Variants in RBFOX1 observed in about 807,000 individuals in gnomAD.
The protein encoded by RBFOX1 is RNA binding fox-1 homolog 1.
A neutral mutation model predicts 57.7 loss-of-function variants in RBFOX1; 8 were observed. That is an observed-to-expected ratio of 0.14 (90% CI 0.08 to 0.25). RBFOX1 has a LOEUF of 0.25. RBFOX1 is among the 10% of genes least tolerant of loss of function. The pLI is 1.00. For missense variants in RBFOX1, 611 were observed against 548.5 expected, an observed-to-expected ratio of 1.11 and a Z score of -1.14; for synonymous variants, 326 against 222.4, an observed-to-expected ratio of 1.47 and a Z score of -4.15.
chr16:6,318,488 G>A (rs1172649578), intron 2 of RBFOX1, among the ~76,000 whole-genome samples: 4 of 152,082 alleles, frequency 2.6e-5, no homozygotes. Context: ...TTGGTGCTTG[G>A]GCAGGGAGGG....
chr16:5,703,879 C>T (rs1334838342), intron 3 of RBFOX1, among the ~76,000 whole-genome samples: 1 of 152,100 alleles, frequency 6.6e-6, no homozygotes, highest in Admixed American at 6.5e-5. Context: ...GTATGCATGG[C>T]TTACAAAGGT....
chr16:6,217,599 C>T (rs770863527), intron 1 of RBFOX1, among the ~76,000 whole-genome samples: 1 of 152,232 alleles, frequency 6.6e-6, no homozygotes, highest in African/African-American at 2.4e-5. Flanking sequence ...GGTGTACCCA[C>T]ATCGTGGTGC....
At chr16:6,492,928 A>G (rs187489347) in intron 2 of RBFOX1, among the ~76,000 whole-genome samples, 3 of 152,376 alleles carry the variant, frequency 2.0e-5, no homozygotes, top group East Asian at 1.9e-4. Flanking sequence ...TGAAGGGACT[A>G]TAAACAGTGA....
intron 4 of RBFOX1, among the ~76,000 whole-genome samples, chr16:7,445,183 G>C (rs2098798860): frequency 6.6e-6 from 1 of 152,090 alleles, no homozygotes; most frequent in Non-Finnish European, 1.5e-5. Context: ...AGTTAGCAAG[G>C]ATTAAACAAA....
intron 4 of RBFOX1, among the ~76,000 whole-genome samples, chr16:5,891,382 C>T (rs777005851): frequency 5.9e-5 from 9 of 152,168 alleles, no homozygotes; most frequent in Non-Finnish European, 1.2e-4. Context: ...CCAAAACAAG[C>T]GCCTTCTATG....
intron 4 of RBFOX1, among the ~76,000 whole-genome samples, chr16:7,119,857 G>C (rs1353437475): frequency 6.6e-5 from 10 of 152,074 alleles, no homozygotes; most frequent in Non-Finnish European, 1.0e-4. Flanking sequence ...ACAAAACATA[G>C]TTAAAATGTG....
At chr16:6,212,350 T>C (rs569271819) in intron 1 of RBFOX1, among the ~76,000 whole-genome samples, 1 of 151,460 alleles carries the variant, frequency 6.6e-6, no homozygotes, top group Non-Finnish European at 1.5e-5. Flanking sequence ...GCAATACATA[T>C]GCTATACAAT....
At chr16:6,036,018 T>C (rs2095360805) in intron 1 of RBFOX1, among the ~76,000 whole-genome samples, 1 of 152,188 alleles carries the variant, frequency 6.6e-6, no homozygotes, top group African/African-American at 2.4e-5. Context: ...TATCATCCTA[T>C]GTATTATTGT....
intron 1 of RBFOX1, among the ~76,000 whole-genome samples, chr16:6,072,451 C>A (rs576464366): frequency 1.1e-4 from 16 of 152,256 alleles, no homozygotes; most frequent in African/African-American, 3.6e-4. Context: ...GACTTCATTT[C>A]TTTGTATATG....
chr16:7,525,611 G>A (rs1362659586), intron 5 of RBFOX1, among the ~76,000 whole-genome samples: 1 of 152,156 alleles, frequency 6.6e-6, no homozygotes, highest in African/African-American at 2.4e-5. Flanking sequence ...TCATGTCCCT[G>A]CGGACTCTGT....
intron 1 of RBFOX1, among the ~76,000 whole-genome samples, chr16:6,140,619 G>T (rs552934461): frequency 2.0e-5 from 3 of 152,234 alleles, no homozygotes; most frequent in Admixed American, 6.5e-5. Flanking sequence ...GAAAAGATTT[G>T]CTGCCTCCCT....
intron 4 of RBFOX1, among the ~76,000 whole-genome samples, chr16:7,290,253 A>G (rs1240818369): frequency 6.6e-6 from 1 of 152,240 alleles, no homozygotes; most frequent in Non-Finnish European, 1.5e-5. Context: ...GAACACCAAT[A>G]TTTGAAATTG....
chr16:5,324,939 G>A (rs2064522414), intron 1 of RBFOX1, among the ~76,000 whole-genome samples: 1 of 152,208 alleles, frequency 6.6e-6, no homozygotes, highest in Non-Finnish European at 1.5e-5. Context: ...CACTCAGCCA[G>A]CTGGCCACAG....
chr16:6,818,821 C>G (rs562002419), intron 3 of RBFOX1, among the ~76,000 whole-genome samples: 2 of 152,144 alleles, frequency 1.3e-5, no homozygotes, highest in Non-Finnish European at 2.9e-5. Flanking sequence ...CTGACTGGTC[C>G]GTGCCTGGGC....
intron 3 of RBFOX1, among the ~76,000 whole-genome samples, chr16:6,821,106 A>C (rs1185570796): frequency 6.6e-6 from 1 of 152,194 alleles, no homozygotes; most frequent in Non-Finnish European, 1.5e-5. Context: ...AAGCCACTAC[A>C]CCATTAAAAA....
intron 3 of RBFOX1, among the ~76,000 whole-genome samples, chr16:6,889,768 C>G (rs1427923339): frequency 6.6e-6 from 1 of 152,154 alleles, no homozygotes; most frequent in East Asian, 1.9e-4. Flanking sequence ...TAAAAACCAG[C>G]ATTTTTCCAA....
At chr16:5,980,526 G>A (rs1596336455) in intron 4 of RBFOX1, among the ~76,000 whole-genome samples, 1 of 152,176 alleles carries the variant, frequency 6.6e-6, no homozygotes, top group East Asian at 1.9e-4. Context: ...GTGGGGCAAT[G>A]AGCAGTGATC....
intron 5 of RBFOX1, among the ~76,000 whole-genome samples, chr16:7,567,229 CTA>C (rs376595353): frequency 8.4e-6 from 1 of 118,388 alleles, no homozygotes; most frequent in East Asian, 2.5e-4. Flanking sequence ...ATATATATCC[CTA>C]TATATATATC....
At chr16:7,367,209 T>C (rs1445628140) in intron 4 of RBFOX1, among the ~76,000 whole-genome samples, 1 of 152,182 alleles carries the variant, frequency 6.6e-6, no homozygotes, top group Non-Finnish European at 1.5e-5. Context: ...CCCACCCCCA[T>C]CTTACTGTTT....
Sources: gnomAD v4.1 joint callset for allele counts (sites outside exome capture counted in the v4.1 genomes callset) on GRCh38, gnomAD v4.1.1 for gene constraint, MANE v1.5 for transcripts, NCBI Gene and HGNC (gene_info 2026-07-23, HGNC 2026-07-21) for gene names.